EMSY: variants seen among roughly 807,000 people sequenced by gnomAD.
EMSY encodes BRCA2-interacting transcriptional repressor EMSY.
A neutral mutation model predicts 134.6 loss-of-function variants in EMSY; 26 were observed. The observed-to-expected ratio is 0.19, with a 90% CI of 0.14 to 0.27. The LOEUF is 0.27. Among genes scored for constraint, EMSY ranks in the 10% least tolerant of loss-of-function variants. EMSY has a pLI of 1.00. For synonymous variants in EMSY, 579 were observed against 577.8 expected (o/e 1.00, Z -0.03); for missense variants, 1,305 against 1,611.4 (o/e 0.81, Z 3.26).
At chr11:76,473,591 G>A (rs1326087024) in intron 8 of EMSY, among the ~76,000 whole-genome samples, 2 of 152,094 alleles carry the variant, frequency 1.3e-5, no homozygotes, top group Non-Finnish European at 2.9e-5. Flanking sequence ...TGACAGGCAC[G>A]AGCCACTGTG....
chr11:76,467,553 TCC>T (rs1948402321), intron 7 of EMSY, among the ~76,000 whole-genome samples: 1 of 152,220 alleles, frequency 6.6e-6, no homozygotes, highest in Non-Finnish European at 1.5e-5. Flanking sequence ...TTCAATGTAT[TCC>T]CTAGTATTTA....
At chr11:76,537,160 A>C (rs1951253658) in intron 15 of EMSY, among the ~76,000 whole-genome samples, 1 of 152,208 alleles carries the variant, frequency 6.6e-6, no homozygotes. Context: ...GAACGCATAG[A>C]TTTTGTAGAA....
intron 9 of EMSY, 114 bp from the exon 11 acceptor site, chr11:76,513,272 C>T: frequency 5.5e-6 from 5 of 914,254 alleles, no homozygotes; most frequent in Non-Finnish European, 7.5e-6. Flanking sequence ...TTAAAAAAAA[C>T]TTCTCTTTAG....
intron 1 of EMSY, among the ~76,000 whole-genome samples, chr11:76,446,382 T>G: frequency 6.6e-6 from 1 of 151,224 alleles, no homozygotes; most frequent in African/African-American, 2.4e-5. Flanking sequence ...GTTCCAATTT[T>G]AGTATATGTG....
rs2134881004 is a variant in EMSY, at chr11:76,453,651, T to A, written c.245+263T>A. On this transcript the variant is annotated intron_variant, in intron 4 of 20. Coordinates refer to ENST00000334736, the Ensembl canonical transcript of EMSY. ...TGTCTAACTAAAAATCACCACAATT[T>A]AGCAGATGATTCACTTACTTGAGGC... 3 of 275,452 alleles carry A rather than the reference T, an allele frequency of 1.1e-5. No homozygotes were observed. In the South Asian group the frequency reaches 2.3e-4, roughly 21 times the overall value. The allele number at this position is 275,452 out of a possible 1,614,324, so 17.1% of individuals were successfully genotyped here.
At chr11:76,505,831 T>C (rs1950054619) in intron 9 of EMSY, among the ~76,000 whole-genome samples, 1 of 150,218 alleles carries the variant, frequency 6.7e-6, no homozygotes, top group African/African-American at 2.5e-5. Flanking sequence ...CACTCCAGCC[T>C]GGGCAACAGA....
chr11:76,453,449 C>CA, intron 4 of EMSY, 61 bp downstream of exon 4: 1 of 1,461,296 alleles, frequency 6.8e-7, no homozygotes, highest in South Asian at 1.2e-5. Context: ...AGTTTTGAAA[C>CA]AGTCTTCCTA....
At chr11:76,491,643 A>G (rs1360787671) in intron 8 of EMSY, among the ~76,000 whole-genome samples, 1 of 152,198 alleles carries the variant, frequency 6.6e-6, no homozygotes, top group Non-Finnish European at 1.5e-5. Context: ...TCCTACGGAT[A>G]CCCTGCTGAA....
At position 76,515,309 on chromosome 11, in the gene EMSY, A is replaced by AT. The variant is rs1038165284; in HGVS notation, c.1514-824dup. On this transcript the variant is annotated intron_variant, in intron 10 of 20. Transcript: ENST00000334736. ...AAGTGAAGATGATGTTATCTTAGTC[A>AT]TTTTTTTTTCATTCTCCCTAAGGCT... 2.4e-4 allele frequency among the ~76,000 whole-genome samples: 36 copies of AT among 149,370 alleles called. No individual in the cohort carries two copies. The Middle Eastern group carries it at 0.014, about 58-fold the overall frequency.
intron 18 of EMSY, 21 bp from the exon 20 acceptor site, chr11:76,544,238 C>G: frequency 1.3e-6 from 2 of 1,578,278 alleles, no homozygotes; most frequent in Non-Finnish European, 1.7e-6. Context: ...TTCATTCTTA[C>G]TTTGTGCCTT....
At chr11:76,532,205 T>A (rs1008102467) in intron 14 of EMSY, among the ~76,000 whole-genome samples, 56 of 152,270 alleles carry the variant, frequency 3.7e-4, no homozygotes, top group African/African-American at 1.3e-3. Context: ...TATCTGGCAT[T>A]TATCCAAAGA....
At chr11:76,515,760 A>C (rs1489348219) in intron 10 of EMSY, among the ~76,000 whole-genome samples, 1 of 152,220 alleles carries the variant, frequency 6.6e-6, no homozygotes, top group African/African-American at 2.4e-5. Flanking sequence ...ACAGATGCAG[A>C]GACCTTAAAA....
At position 76,475,426 on chromosome 11, in the gene EMSY, A is replaced by T. The variant is rs141390889; in HGVS notation, c.1108+2586A>T. ...CTTAATTTTCTCCAGGTAGCCACTG[A>T]ATCTCTTAGGAACTTAGGACTTTCT... On this transcript the variant is annotated intron_variant, in intron 8 of 20. Transcript: ENST00000334736. 1.7e-3 allele frequency among the ~76,000 whole-genome samples: 262 copies of T among 152,316 alleles called. 4 individuals carry two copies. Among genetic ancestry groups the T allele is most frequent in the African/African-American group, 6.0e-3 (249 of 41,570 alleles).
chr11:76,511,571 G>C (rs914779997), intron 9 of EMSY, among the ~76,000 whole-genome samples: 1 of 151,938 alleles, frequency 6.6e-6, no homozygotes, highest in Non-Finnish European at 1.5e-5. Context: ...ATGATGACAG[G>C]CCCCTGTAAT....
chr11:76,494,654 CCTTCCTTCCTTCCTTCCTTCCTT>C (rs1949558449), intron 8 of EMSY, among the ~76,000 whole-genome samples: 21 of 2,104 alleles, frequency 1.0e-2, no homozygotes, highest in Non-Finnish European at 0.026. Flanking sequence ...CCTTTCCCTT[CCTTCCTTCCTTCCTTCCTTCCTT>C]CCTTCCTTCC....
At chr11:76,486,552 G>T (rs893499198) in intron 8 of EMSY, among the ~76,000 whole-genome samples, 12 of 152,076 alleles carry the variant, frequency 7.9e-5, no homozygotes, top group Admixed American at 7.2e-4. Context: ...TGCATGTCTG[G>T]CACAACCTCT....
At chr11:76,537,683 G>T in intron 15 of EMSY, 112 bp from the exon 17 acceptor site, 1 of 898,888 alleles carries the variant, frequency 1.1e-6, no homozygotes, top group Non-Finnish European at 1.7e-6. Flanking sequence ...TGTCTACTTA[G>T]TCACTGCCAG....
chr11:76,474,180 C>G (rs1948690788), intron 8 of EMSY, among the ~76,000 whole-genome samples: 1 of 150,630 alleles, frequency 6.6e-6, no homozygotes, highest in African/African-American at 2.4e-5. Context: ...AGCTTAGTTT[C>G]TTAATACCTT....
Position 76,537,776 on chromosome 11 carries a change from C to T in EMSY, c.2360-19C>T, listed in dbSNP as rs1460610516. 2 of 1,577,842 alleles carry T rather than the reference C, an allele frequency of 1.3e-6. No homozygotes were observed. The highest frequency in any genetic ancestry group is 1.4e-5 in the African/African-American group (1 of 72,962). On this transcript the variant is annotated intron_variant, in intron 15 of 20. Transcript: ENST00000334736. ...TGTTTGTAATAAAAGTTAACTTTTC[C>T]CCTGACTTTTTTATGCAGTAAAGGA... is the stretch of plus-strand genomic sequence containing the variant.
Sources: allele counts gnomAD v4.1 joint callset (sites outside exome capture counted in the v4.1 genomes callset), GRCh38; gene constraint gnomAD v4.1.1; transcripts MANE v1.5; gene names NCBI Gene and HGNC (gene_info 2026-07-23, HGNC 2026-07-21).